The following TMED9 variants were observed in gnomAD, a reference collection of about 807,000 sequenced individuals.
TMED9 encodes transmembrane emp24 domain-containing protein 9.
In TMED9, 22 loss-of-function variants were observed where a neutral mutation model predicts 30.6. The ratio of observed to expected loss-of-function variants is 0.72; its 90% confidence interval spans 0.51 to 1.03. The LOEUF is 1.03. Ranked by LOEUF, TMED9 falls within the 50% of genes least tolerant of loss-of-function variation. The pLI, the probability that TMED9 is intolerant of heterozygous loss-of-function variation, is 0.00. For missense variants in TMED9, 251 were observed against 302.1 expected (o/e 0.83, Z 1.25); for synonymous variants, 146 against 122.8 (o/e 1.19, Z -1.25).
At chr5:177,595,235 C>G (rs1042087377) in intron 4 of TMED9, 32 bp from the exon 5 acceptor site, 1 of 1,504,672 alleles carries the variant, frequency 6.6e-7, no homozygotes, top group African/African-American at 1.4e-5. Flanking sequence ...GCAGCCCCAG[C>G]CAACTCAGGC....
At chr5:177,593,457 T>G in intron 2 of TMED9, 193 bp from the exon 3 acceptor site, 1 of 621,670 alleles carries the variant, frequency 1.6e-6, no homozygotes, top group Non-Finnish European at 2.7e-6. Context: ...ACTCTCAGAG[T>G]CTAAACACCT....
intron 4 of TMED9, 147 bp from the exon 5 acceptor site, chr5:177,595,119 TA>T: frequency 1.3e-6 from 1 of 794,616 alleles, no homozygotes; most frequent in Non-Finnish European, 1.9e-6. Flanking sequence ...TGCCTGAGGG[TA>T]AAGATAGTCC....
In TMED9 at chr5:177,592,677, TGAGCCAA is replaced by T; in HGVS notation, c.285+3_285+9del. On this transcript the variant is annotated splice_donor_5th_base_variant and intron_variant, in intron 2 of 4. Coordinates refer to ENST00000332598, the MANE Select transcript of TMED9 (RefSeq NM_017510.6). ...GAGGTGAAGGACCCAGAGGACAAGG[TGAGCCAA>T]CCGCCCCCCTCCTCTCCGCCAGCCT... 6.3e-7 allele frequency: 1 copy of T among 1,598,862 alleles called. No homozygotes were observed. The highest frequency in any genetic ancestry group is 8.5e-7 in the Non-Finnish European group (1 of 1,172,580).
intron 2 of TMED9, 32 bp downstream of exon 2, chr5:177,592,707 CCT>C: frequency 2.0e-6 from 3 of 1,505,706 alleles, no homozygotes; most frequent in Non-Finnish European, 1.8e-6. Context: ...TCTCCGCCAG[CCT>C]CTCAGCTAGG....
chr5:177,595,299 G>C lies in TMED9; in HGVS notation c.591G>C (p.Glu197Asp). ...WREERFRQTS[E>D]STNQRVLWWS... is the part of the protein sequence containing the mutation. ...AGGAGCGCTTCCGGCAGACCAGTGA[G>C]AGCACCAACCAGCGGGTGCTGTGGT... The change falls in exon 5 of 5, where the codon GAG (glutamate) becomes GAC (aspartate). Residue 197 changes from glutamate to aspartate, a missense_variant. Glu to Asp is a conservative substitution (Grantham distance 45). Transcript: ENST00000332598. 1 of 1,606,538 alleles carries C rather than the reference G, an allele frequency of 6.2e-7. No individual in the cohort carries two copies. The highest frequency in any genetic ancestry group is 8.5e-7 in the Non-Finnish European group (1 of 1,174,666).
In TMED9 at chr5:177,594,020, G is replaced by A. The variant is rs1767639098; in HGVS notation, c.412-119G>A. 7.9e-6 allele frequency: 11 copies of A among 1,391,206 alleles called. No homozygotes were observed. In the Admixed American group the frequency reaches 1.5e-4, roughly 19 times the overall value. 86.2% of individuals were successfully genotyped at this position (1,391,206 alleles called of 1,614,324 possible). ...CCTCATGGGGCTAAGACACTGAAGAGGGCCCAGTCTGTTGGCTAAATGAAC... is the reference window on the plus strand; with the variant it reads ...CCTCATGGGGCTAAGACACTGAAGAAGGCCCAGTCTGTTGGCTAAATGAAC... On this transcript the variant is annotated intron_variant, in intron 3 of 4. Coordinates refer to ENST00000332598, the MANE Select transcript of TMED9 (RefSeq NM_017510.6).
chr5:177,592,858 A>G (rs955999156), intron 2 of TMED9, among the ~76,000 whole-genome samples, 183 bp downstream of exon 2: 8 of 152,180 alleles, frequency 5.3e-5, no homozygotes, highest in African/African-American at 1.9e-4. Flanking sequence ...ATAAAAATCA[A>G]AGAGTTTTGT....
At chr5:177,592,741 C>A in intron 2 of TMED9, 66 bp downstream of exon 2, 1 of 1,147,374 alleles carries the variant, frequency 8.7e-7, no homozygotes, top group Non-Finnish European at 1.3e-6. Flanking sequence ...ACTTCCTCTT[C>A]TAGTTCCTGC....
Position 177,593,754 on chromosome 5 carries a change from C to T in TMED9, c.390C>T (p.Ser130=). 6.2e-7 allele frequency: 1 copy of T among 1,614,200 alleles called. No individual in the cohort carries two copies. The highest frequency in any genetic ancestry group is 8.5e-7 in the Non-Finnish European group (1 of 1,180,028). Residue 130 remains serine, a synonymous_variant, in exon 3 of 5, where the codon TCC becomes TCT. Coordinates refer to ENST00000332598, the MANE Select transcript of TMED9 (RefSeq NM_017510.6). ...ICLHSNSTKF[S]LFAGGMLRVH... The stretch of plus-strand genomic sequence containing the variant: ...TTCACTCCAATTCCACCAAGTTCTC[C>T]CTCTTTGCTGGAGGCATGCTGGTAA...
At position 177,592,685 on chromosome 5, in the gene TMED9, C is replaced by T. The variant is rs528455163; in HGVS notation, c.285+10C>T. 1.3e-6 allele frequency: 2 copies of T among 1,558,744 alleles called. No homozygotes were observed. Among genetic ancestry groups the T allele is most frequent in the African/African-American group, 1.4e-5 (1 of 72,578 alleles). ...GGACCCAGAGGACAAGGTGAGCCAA[C>T]CGCCCCCCTCCTCTCCGCCAGCCTC... On this transcript the variant is annotated intron_variant, in intron 2 of 4. Transcript: ENST00000332598.
In TMED9 at chr5:177,594,263, A is replaced by G; in HGVS notation, c.536A>G (p.Gln179Arg). The G allele has an allele frequency of 6.2e-7, 1 of 1,614,166 alleles. No homozygotes were observed. Among genetic ancestry groups the G allele is most frequent in the Non-Finnish European group, 8.5e-7 (1 of 1,180,018 alleles). The change falls in exon 4 of 5, where the codon CAG (glutamine) becomes CGG (arginine). Residue 179 changes from glutamine (Q) to arginine (R), a missense_variant. Gln to Arg is a conservative substitution (Grantham distance 43, BLOSUM62 1). Transcript: ENST00000332598. ...RQLVEQVEQI[Q>R]KEQNYQRWRE... The stretch of plus-strand genomic sequence containing the variant: ...CTGGTGGAACAAGTGGAGCAGATCC[A>G]GAAAGAGCAGAACTACCAGCGGGTG...
chr5:177,594,200 A>G lies in TMED9; in HGVS notation c.473A>G (p.Lys158Arg). 6.2e-7 allele frequency: 1 copy of G among 1,614,244 alleles called. No homozygotes were observed. The change falls in exon 4 of 5, where the codon AAA (lysine) becomes AGA (arginine). Residue 158 changes from lysine to arginine, a missense_variant. Physicochemically the swap from Lys to Arg is conservative, Grantham distance 26. Around this residue, in one of 2 missense-constraint regions of TMED9, gnomAD observed 153 missense variants for 239.6 expected, o/e 0.64. Transcript: ENST00000332598. ...HANDYAEIAA[K>R]DKLSELQLRV... is the part of the protein sequence containing the mutation. ...AATGACTATGCAGAAATTGCTGCTA[A>G]AGACAAGTTGAGTGAGTTGCAGCTA...
In TMED9 at chr5:177,592,281, C is replaced by CGGACCCTCCTGCTGGTGCTGT. The variant is rs1561809016; in HGVS notation, c.70_90dup (p.Thr24_Trp30dup). 10 of 1,611,410 alleles carry CGGACCCTCCTGCTGGTGCTGT rather than the reference C, an allele frequency of 6.2e-6. No homozygotes were observed. The highest frequency in any genetic ancestry group is 8.5e-6 in the Non-Finnish European group (10 of 1,178,962). On this transcript the variant is annotated inframe_insertion, in exon 1 of 5. Coordinates refer to ENST00000332598, the MANE Select transcript of TMED9 (RefSeq NM_017510.6). ...CGGAACCGGGCTGGGTAGAGTGATG[C>CGGACCCTCCTGCTGGTGCTGT]GGACCCTCCTGCTGGTGCTGTGGCT...
At chr5:177,592,729 G>C (rs1246028997) in intron 2 of TMED9, 54 bp downstream of exon 2, 1 of 1,300,324 alleles carries the variant, frequency 7.7e-7, no homozygotes, top group African/African-American at 1.5e-5. Flanking sequence ...GCGGGCTCCG[G>C]TACTTCCTCT....
chr5:177,595,605 C>A lies in TMED9; in HGVS notation c.*189C>A. On this transcript the variant is annotated 3_prime_UTR_variant, in exon 5 of 5. Coordinates refer to ENST00000332598, the MANE Select transcript of TMED9 (RefSeq NM_017510.6). ...ACTGAGCAGGTAGTGGGGCAAATTC[C>A]TGCCCTCTCTCTCTGGCCTCTGGGC... is the stretch of plus-strand genomic sequence containing the variant. 1.8e-6 allele frequency: 1 copy of A among 569,964 alleles called. No homozygotes were observed. Among genetic ancestry groups the A allele is most frequent in the Non-Finnish European group, 2.9e-6 (1 of 345,208 alleles). 35.3% of individuals were successfully genotyped at this position (569,964 alleles called of 1,614,324 possible).
intron 1 of TMED9, 77 bp from the exon 2 acceptor site, chr5:177,592,498 C>T (rs1581984157): frequency 3.2e-6 from 5 of 1,557,316 alleles, no homozygotes; most frequent in East Asian, 2.3e-5. Flanking sequence ...AGGAGACGGC[C>T]TCGCCGTGCC....
chr5:177,593,471 C>G, intron 2 of TMED9, 179 bp from the exon 3 acceptor site: 1 of 730,862 alleles, frequency 1.4e-6, no homozygotes, highest in Non-Finnish European at 2.2e-6. Context: ...AACACCTGCC[C>G]CAGAGAGTTC....
chr5:177,595,244 G>A, intron 4 of TMED9, 23 bp from the exon 5 acceptor site: 1 of 1,526,174 alleles, frequency 6.6e-7, no homozygotes. Flanking sequence ...GCCAACTCAG[G>A]CTCACCTTAT....
rs1299707467 is a variant in TMED9, at chr5:177,596,869, C to T, written c.*1453C>T. Among the ~76,000 whole-genome samples, 1 of 152,164 alleles carries T rather than the reference C, an allele frequency of 6.6e-6. No individual in the cohort carries two copies. The highest frequency in any genetic ancestry group is 1.5e-5 in the Non-Finnish European group (1 of 68,022). On this transcript the variant is annotated 3_prime_UTR_variant, in exon 5 of 5. Coordinates refer to ENST00000332598, the MANE Select transcript of TMED9 (RefSeq NM_017510.6). ...AGTAATCACCCAGGGTCTGGTAAAG[C>T]CACTGAGAGCCCTACTGGCACCTCA...
Sources: allele counts gnomAD v4.1 joint callset (sites outside exome capture counted in the v4.1 genomes callset), GRCh38; gene constraint gnomAD v4.1.1; regional missense constraint gnomAD v4.1.1; transcripts MANE v1.5; gene names NCBI Gene and HGNC (gene_info 2026-07-23, HGNC 2026-07-21).